CTNNA3: variants seen among roughly 807,000 people sequenced by gnomAD.
CTNNA3 encodes catenin alpha 3, also known as catenin alpha-3.
A neutral mutation model predicts 95.7 loss-of-function variants in CTNNA3; 76 were observed. That is an observed-to-expected ratio of 0.79 (90% CI 0.66 to 0.96). The LOEUF is 0.96. CTNNA3 is among the 40% of genes least tolerant of loss of function. The pLI is 0.00. For missense variants in CTNNA3, 1,191 were observed against 1,089.8 expected (o/e 1.09, Z -1.31); for synonymous variants, 431 against 374.4 (o/e 1.15, Z -1.74).
chr10:67,555,110 T>C (rs1012947187), intron 3 of CTNNA3, among the ~76,000 whole-genome samples: 1 of 152,206 alleles, frequency 6.6e-6, no homozygotes, highest in Admixed American at 6.5e-5. Context: ...TTTCATTGGT[T>C]GATATCTCTG....
chr10:66,910,622 T>A (rs917651592), intron 7 of CTNNA3, among the ~76,000 whole-genome samples: 11 of 152,156 alleles, frequency 7.2e-5, no homozygotes, highest in African/African-American at 2.7e-4. Flanking sequence ...GCATTGAAGA[T>A]AACATGTAAA....
intron 17 of CTNNA3, among the ~76,000 whole-genome samples, chr10:65,942,076 C>T (rs1468740546): frequency 6.6e-6 from 1 of 152,134 alleles, no homozygotes; most frequent in Non-Finnish European, 1.5e-5. Context: ...CAAAGGAGTA[C>T]ATTTTACTAG....
chr10:67,753,977 G>A (rs1841420569), intron 1 of CTNNA3, among the ~76,000 whole-genome samples: 1 of 152,128 alleles, frequency 6.6e-6, no homozygotes, highest in East Asian at 1.9e-4. Context: ...TATACCCAAA[G>A]GAATATAAAT....
chr10:66,432,568 G>A (rs7913822), intron 11 of CTNNA3, among the ~76,000 whole-genome samples: 40,086 of 151,408 alleles, frequency 0.26, 5,462 homozygotes, highest in South Asian at 0.39. Flanking sequence ...GGCTGAGGAA[G>A]GAGAATGGCA....
chr10:66,858,560 G>A (rs1843775427), intron 7 of CTNNA3, among the ~76,000 whole-genome samples: 1 of 151,876 alleles, frequency 6.6e-6, no homozygotes, highest in Non-Finnish European at 1.5e-5. Flanking sequence ...TAGGCTTTTT[G>A]TTAATGATTC....
At position 67,390,952 on chromosome 10, in the gene CTNNA3, C is replaced by A. The variant is rs539905949; in HGVS notation, c.579+130890G>T. Among the ~76,000 whole-genome samples the A allele has an allele frequency of 1.7e-4, 26 of 152,172 alleles. 1 individual carries two copies. The highest frequency in any genetic ancestry group is 1.0e-3 in the South Asian group (5 of 4,812). On this transcript the variant is annotated intron_variant, in intron 5 of 17. Coordinates refer to ENST00000433211, the MANE Select transcript of CTNNA3 (RefSeq NM_013266.4). ...TGACAAACCCACAGCCAATATCATA[C>A]TGAATGGGCAAAAACCAGAAGCATT...
chr10:66,839,714 T>C (rs973080720), intron 7 of CTNNA3, among the ~76,000 whole-genome samples: 2 of 152,010 alleles, frequency 1.3e-5, no homozygotes, highest in Non-Finnish European at 2.9e-5. Context: ...GAAAAGAACA[T>C]TCGGAAAAAC....
intron 13 of CTNNA3, among the ~76,000 whole-genome samples, chr10:66,139,156 C>T (rs115724334): frequency 1.2e-3 from 186 of 152,312 alleles, no homozygotes; most frequent in African/African-American, 4.3e-3. Flanking sequence ...AGATTTATGG[C>T]TGCACGCTTA....
chr10:67,014,357 T>G (rs1852522967), intron 7 of CTNNA3, among the ~76,000 whole-genome samples: 2 of 152,180 alleles, frequency 1.3e-5, no homozygotes, highest in South Asian at 4.1e-4. Context: ...TATTTACAGC[T>G]TTAATTAACT....
intron 1 of CTNNA3, among the ~76,000 whole-genome samples, chr10:67,745,918 T>C (rs896606530): frequency 6.6e-6 from 1 of 151,996 alleles, no homozygotes; most frequent in African/African-American, 2.4e-5. Flanking sequence ...ATGAAAGAAA[T>C]TGAAGAGGAC....
intron 5 of CTNNA3, among the ~76,000 whole-genome samples, chr10:67,377,253 T>G (rs2132720089): frequency 6.6e-6 from 1 of 152,306 alleles, no homozygotes; most frequent in East Asian, 1.9e-4. Context: ...GAAAACCTTC[T>G]GTACTAGAAA....
chr10:67,672,008 C>T (rs1465943773), intron 1 of CTNNA3, among the ~76,000 whole-genome samples: 2 of 152,056 alleles, frequency 1.3e-5, no homozygotes, highest in Admixed American at 6.5e-5. Flanking sequence ...TCTCCACATC[C>T]TCTCCAGCAC....
rs1391321971 is a variant in CTNNA3, at chr10:67,743,056, C to T, written c.-2+20378G>A. On this transcript the variant is annotated intron_variant, in intron 1 of 17. Transcript: ENST00000684154. ...CTCCAGGACCAGATGGATTCACAGC[C>T]GAATTCTACCAGAGGTACAAACAGG... Among the ~76,000 whole-genome samples the T allele has an allele frequency of 3.3e-5, 5 of 151,166 alleles. 1 individual carries two copies. The highest frequency in any genetic ancestry group is 2.1e-4 in the South Asian group (1 of 4,682).
chr10:67,283,193 C>T (rs1413619913), intron 5 of CTNNA3, among the ~76,000 whole-genome samples: 2 of 152,184 alleles, frequency 1.3e-5, no homozygotes, highest in Non-Finnish European at 2.9e-5. Flanking sequence ...GGGTCCACTG[C>T]TTCTTCACCA....
At chr10:66,578,166 A>G (rs1174292623) in intron 10 of CTNNA3, among the ~76,000 whole-genome samples, 1 of 151,998 alleles carries the variant, frequency 6.6e-6, no homozygotes, top group Non-Finnish European at 1.5e-5. Context: ...ATTTTTACTC[A>G]TAGATTTTAT....
At chr10:67,070,528 A>G (rs900292147) in intron 7 of CTNNA3, among the ~76,000 whole-genome samples, 4 of 152,008 alleles carry the variant, frequency 2.6e-5, no homozygotes, top group Non-Finnish European at 5.9e-5. Flanking sequence ...GCAGGCAGAT[A>G]ACAAGGTCCG....
chr10:67,360,467 C>G (rs915943112), intron 5 of CTNNA3, among the ~76,000 whole-genome samples: 9 of 150,328 alleles, frequency 6.0e-5, no homozygotes, highest in African/African-American at 1.7e-4. Context: ...TTCAAGAGAC[C>G]AATCACACAT....
chr10:66,582,876 T>A (rs1377393902), intron 10 of CTNNA3, among the ~76,000 whole-genome samples: 3 of 151,884 alleles, frequency 2.0e-5, no homozygotes, highest in South Asian at 4.1e-4. Context: ...GAATGCTTTT[T>A]CTGCATCTAT....
At chr10:66,091,608 T>G (rs890015659) in intron 14 of CTNNA3, among the ~76,000 whole-genome samples, 3 of 151,862 alleles carry the variant, frequency 2.0e-5, no homozygotes, top group Non-Finnish European at 4.4e-5. Context: ...CAAGCAAATA[T>G]GTAATACATC....
Sources: allele counts gnomAD v4.1 joint callset (sites outside exome capture counted in the v4.1 genomes callset), GRCh38; gene constraint gnomAD v4.1.1; transcripts MANE v1.5; gene names NCBI Gene and HGNC (gene_info 2026-07-23, HGNC 2026-07-21).